Variants in FAM47E observed in about 807,000 individuals in gnomAD.
The protein encoded by FAM47E is family with sequence similarity 47 member E.
FAM47E carries 32 observed loss-of-function variants against 41.6 expected under a neutral mutation model. The observed-to-expected ratio is 0.77, with a 90% CI of 0.58 to 1.03. The LOEUF is 1.03. Ranked by LOEUF, FAM47E falls within the 50% of genes least tolerant of loss-of-function variation. The pLI is 0.00. For missense variants in FAM47E, 424 were observed against 485.4 expected (o/e 0.87, Z 1.19); for synonymous variants, 184 against 188.7 (o/e 0.98, Z 0.20).
intron 2 of FAM47E, among the ~76,000 whole-genome samples, chr4:76,220,646 T>C (rs1296884460): frequency 6.6e-6 from 1 of 152,204 alleles, no homozygotes; most frequent in East Asian, 1.9e-4. Flanking sequence ...GAAGTCCTGA[T>C]ACATGCTACT....
intron 1 of FAM47E, among the ~76,000 whole-genome samples, chr4:76,217,143 C>T (rs1011945240): frequency 2.6e-5 from 4 of 152,240 alleles, no homozygotes; most frequent in African/African-American, 9.6e-5. Flanking sequence ...ACAGGATCAT[C>T]TCACCCTATG....
intron 6 of FAM47E, chr4:76,280,043 T>A: frequency 2.5e-6 from 1 of 395,656 alleles, no homozygotes; most frequent in East Asian, 4.2e-5. Context: ...CCATCCTTAA[T>A]ATGGGGATAA....
Position 76,244,604 on chromosome 4 carries a change from G to C in FAM47E, c.82-19100G>C, listed in dbSNP as rs1475607507. On this transcript the variant is annotated intron_variant, in intron 2 of 7. Coordinates refer to the FAM47E transcript ENST00000510197. ...TGCCCAGGCTGGAGTGCAGTGGCGT[G>C]ATCTCAGCTCACTGCAACCTCCACC... Among the ~76,000 whole-genome samples the C allele has an allele frequency of 3.7e-5, 5 of 136,478 alleles. No individual in the cohort carries two copies. In the South Asian group the frequency reaches 1.2e-3, roughly 33 times the overall value. The allele number at this position is 136,478 out of a possible 152,430, so 89.5% of individuals were successfully genotyped here. A position where few individuals can be genotyped will look rare whatever the true frequency, so the allele number is the denominator to read the frequency against.
At chr4:76,230,919 C>T (rs114886955) in intron 2 of FAM47E, among the ~76,000 whole-genome samples, 1,933 of 152,270 alleles carry the variant, frequency 0.013, 49 homozygotes, top group African/African-American at 0.045. Context: ...TGGCAGGAAT[C>T]AGCCACGATC....
chr4:76,281,351 T>G (rs1442212856), intron 7 of FAM47E: 1 of 152,126 alleles, frequency 6.6e-6, no homozygotes, highest in Admixed American at 6.6e-5. Context: ...ACTGGGAAAC[T>G]CCATTATAGA....
At chr4:76,283,331 G>T in intron 7 of FAM47E, 50 bp from the exon 8 acceptor site, 1 of 1,113,946 alleles carries the variant, frequency 9.0e-7, no homozygotes, top group Non-Finnish European at 1.3e-6. Context: ...GGACTGTACT[G>T]TGCAAGTTTT....
chr4:76,249,707 C>T (rs546606881), upstream of FAM47E, among the ~76,000 whole-genome samples: 1 of 152,008 alleles, frequency 6.6e-6, no homozygotes, highest in Non-Finnish European at 1.5e-5. Flanking sequence ...ATCCTTCCCC[C>T]CAAGTTCCCA....
At position 76,256,391 on chromosome 4, in the gene FAM47E, G is replaced by C. The variant is rs771934440; in HGVS notation, c.288G>C (p.Lys96Asn). 5.2e-6 allele frequency: 8 copies of C among 1,552,164 alleles called. No individual in the cohort carries two copies. In the East Asian group the frequency reaches 2.0e-4, roughly 38 times the overall value. Residue 96 changes from lysine to asparagine, a missense_variant, in exon 2 of 8, where the codon AAG (lysine) becomes AAC (asparagine). Coordinates refer to ENST00000424749, the MANE Select transcript of FAM47E (RefSeq NM_001136570.3). ...APKKRQIKLL[K>N]EADVLSKLSP... is the part of the protein sequence containing the mutation. ...AGAAGAGGCAGATCAAGCTGCTCAA[G>C]GAAGCAGACGTGCTTTCCAAGCTCT...
intron 2 of FAM47E, among the ~76,000 whole-genome samples, chr4:76,261,649 TA>T: frequency 6.6e-6 from 1 of 152,180 alleles, no homozygotes; most frequent in Admixed American, 6.5e-5. Flanking sequence ...AAGATGGAGA[TA>T]ATAGACACTG....
At chr4:76,253,774 A>G (rs886598697) in intron 1 of FAM47E, among the ~76,000 whole-genome samples, 1 of 151,282 alleles carries the variant, frequency 6.6e-6, no homozygotes, top group Non-Finnish European at 1.5e-5. Context: ...ATTGCACTCC[A>G]GCCTGGGTAA....
chr4:76,243,493 C>G (rs1415721093), intron 2 of FAM47E, among the ~76,000 whole-genome samples: 1 of 152,158 alleles, frequency 6.6e-6, no homozygotes, highest in Middle Eastern at 3.2e-3. Flanking sequence ...TCATAACCCA[C>G]AAAGCATTCT....
intron 2 of FAM47E, among the ~76,000 whole-genome samples, chr4:76,262,159 A>T (rs1334371512): frequency 6.6e-6 from 1 of 152,224 alleles, no homozygotes; most frequent in East Asian, 1.9e-4. Flanking sequence ...TGTAATAGGG[A>T]GTACTCACGT....
At chr4:76,266,073 G>A (rs1305670803) in intron 3 of FAM47E, among the ~76,000 whole-genome samples, 2 of 152,208 alleles carry the variant, frequency 1.3e-5, no homozygotes, top group African/African-American at 4.8e-5. Flanking sequence ...CATACTTGTT[G>A]TATACATAGT....
upstream of FAM47E, among the ~76,000 whole-genome samples, chr4:76,247,875 G>C (rs1191203679): frequency 7.0e-6 from 1 of 143,216 alleles, no homozygotes; most frequent in African/African-American, 2.5e-5. Flanking sequence ...GATGTGCAAA[G>C]ATTATCTCCT....
intron 2 of FAM47E, among the ~76,000 whole-genome samples, chr4:76,224,748 A>G (rs1270104476): frequency 6.6e-6 from 1 of 151,948 alleles, no homozygotes; most frequent in African/African-American, 2.4e-5. Context: ...ATTTTATTTT[A>G]TTTATTTATT....
upstream of FAM47E, chr4:76,251,653 G>A (rs1415112382): frequency 2.2e-6 from 3 of 1,355,040 alleles, no homozygotes; most frequent in East Asian, 3.1e-5. Flanking sequence ...GGCAAATACC[G>A]GCAGCGGTGG....
chr4:76,251,448 G>A (rs1444460822), upstream of FAM47E, among the ~76,000 whole-genome samples: 2 of 151,952 alleles, frequency 1.3e-5, no homozygotes, highest in African/African-American at 2.4e-5. Context: ...TTTTTGAAAC[G>A]ATGATGAGCA....
At chr4:76,269,875 C>G (rs1734814388) in intron 4 of FAM47E, among the ~76,000 whole-genome samples, 1 of 151,930 alleles carries the variant, frequency 6.6e-6, no homozygotes, top group Non-Finnish European at 1.5e-5. Context: ...ATATAGTTGC[C>G]TATTCCTGTT....
intron 2 of FAM47E, among the ~76,000 whole-genome samples, chr4:76,228,490 AAG>A (rs576905701): frequency 0.057 from 8,700 of 151,352 alleles, 269 homozygotes; most frequent in Middle Eastern, 0.085. Context: ...AAAAAAAAAA[AAG>A]AAAGAAAGAA....
Sources: gnomAD v4.1 joint callset for allele counts (sites outside exome capture counted in the v4.1 genomes callset) on GRCh38, gnomAD v4.1.1 for gene constraint, MANE v1.5 for transcripts, NCBI Gene and HGNC (gene_info 2026-07-23, HGNC 2026-07-21) for gene names.